MYO18B: variants seen among roughly 807,000 people sequenced by gnomAD.
MYO18B encodes the protein unconventional myosin-XVIIIb.
Under a neutral mutation model 273.0 loss-of-function variants are expected in MYO18B, and 204 were observed. The observed-to-expected ratio is 0.75, with a 90% CI of 0.67 to 0.84. The LOEUF is 0.84. Ranked by LOEUF, MYO18B falls within the 40% of genes least tolerant of loss-of-function variation. MYO18B has a pLI of 0.00. For synonymous variants in MYO18B, 1,330 were observed against 1,305.7 expected (o/e 1.02, Z -0.40); for missense variants, 3,212 against 3,287.6 (o/e 0.98, Z 0.56).
chr22:25,908,047 AAAAG>A (rs1485166949), intron 31 of MYO18B, among the ~76,000 whole-genome samples: 2 of 151,944 alleles, frequency 1.3e-5, no homozygotes, highest in African/African-American at 4.8e-5. Context: ...AAAAAAAAAA[AAAAG>A]AGTGTTGAGA....
chr22:25,948,562 T>G (rs1175726517), intron 36 of MYO18B, among the ~76,000 whole-genome samples: 1 of 151,044 alleles, frequency 6.6e-6, no homozygotes, highest in Non-Finnish European at 1.5e-5. Flanking sequence ...CTCTTTCTCT[T>G]TTTCTTCTTT....
chr22:25,895,015 GGT>G (rs2091762756), intron 27 of MYO18B, 139 bp from the exon 28 acceptor site: 2 of 990,270 alleles, frequency 2.0e-6, no homozygotes, highest in Admixed American at 5.7e-5. Flanking sequence ...ATAGTTTCTT[GGT>G]CCAAGGTTGA....
chr22:25,875,948 A>C (rs966075081), intron 23 of MYO18B, among the ~76,000 whole-genome samples: 1 of 151,830 alleles, frequency 6.6e-6, no homozygotes, highest in African/African-American at 2.4e-5. Context: ...AAATTATGGC[A>C]TAATGTTTGA....
intron 24 of MYO18B, 21 bp from the exon 25 acceptor site, chr22:25,877,937 GT>G: frequency 6.4e-7 from 1 of 1,555,744 alleles, no homozygotes; most frequent in African/African-American, 1.4e-5. Context: ...AATGGTTTCT[GT>G]TCATGTGTTT....
At chr22:25,769,794 G>A (rs2086649503) in intron 4 of MYO18B, among the ~76,000 whole-genome samples, 1 of 152,212 alleles carries the variant, frequency 6.6e-6, no homozygotes, top group Non-Finnish European at 1.5e-5. Context: ...GATTCCTGGG[G>A]CCAGCCATGG....
At chr22:26,059,288 A>G in the MYO18B span, among the ~76,000 whole-genome samples, 16 of 152,214 alleles carry the variant, frequency 1.1e-4, no homozygotes, top group African/African-American at 3.9e-4. Flanking sequence ...TCTTGGAAGC[A>G]TTAGCAAATG....
chr22:26,036,546 G>A, the MYO18B span, among the ~76,000 whole-genome samples: 37 of 152,204 alleles, frequency 2.4e-4, no homozygotes, highest in African/African-American at 8.2e-4. Flanking sequence ...TTCTGGGCTC[G>A]GTGGGAAAAT....
chr22:25,936,328 A>G (rs572927740), intron 34 of MYO18B, among the ~76,000 whole-genome samples: 2 of 152,308 alleles, frequency 1.3e-5, no homozygotes, highest in African/African-American at 2.4e-5. Flanking sequence ...AGCAGTCCTT[A>G]GATCCTAAAA....
intron 21 of MYO18B, among the ~76,000 whole-genome samples, chr22:25,860,619 A>G (rs2090703786): frequency 6.6e-6 from 1 of 152,138 alleles, no homozygotes; most frequent in Admixed American, 6.6e-5. Flanking sequence ...TAATTTCTAC[A>G]TATTTGGAAC....
At chr22:25,896,359 T>G (rs2146309317) in intron 28 of MYO18B, 1 of 152,246 alleles carries the variant, frequency 6.6e-6, no homozygotes, top group South Asian at 2.1e-4. Flanking sequence ...AATGCAACGG[T>G]CTTCATTCCA....
chr22:25,830,093 A>G (rs1241329086), intron 15 of MYO18B, among the ~76,000 whole-genome samples: 4 of 152,114 alleles, frequency 2.6e-5, no homozygotes, highest in Non-Finnish European at 5.9e-5. Context: ...CCAGTTGAAT[A>G]ATATAGAATA....
Position 25,770,931 on chromosome 22 carries a change from T to C in MYO18B, c.1639T>C (p.Trp547Arg). The change falls in exon 6 of 44, where the codon TGG becomes CGG. Residue 547 changes from tryptophan to arginine, a missense_variant. By Grantham distance (101) the Trp-to-Arg change is moderately radical (BLOSUM62 -3). Transcript: ENST00000335473. Reference protein sequence around the residue: ...ADLPAGRVRLWIDADKTITEV... With the variant: ...ADLPAGRVRLRIDADKTITEV... ...CCTGCCAGCAGGAAGGGTGAGACTT[T>C]GGATTGATGCTGACAAAACCATCAC... 2.6e-6 allele frequency: 4 copies of C among 1,552,258 alleles called. No homozygotes were observed. The highest frequency in any genetic ancestry group is 1.4e-5 in the African/African-American group (1 of 73,158).
At chr22:26,002,453 G>A (rs1934045135) in intron 40 of MYO18B, among the ~76,000 whole-genome samples, 2 of 152,176 alleles carry the variant, frequency 1.3e-5, no homozygotes, top group East Asian at 1.9e-4. Flanking sequence ...AGGGTGACAG[G>A]CTTTTGAGGG....
chr22:25,756,017 C>T (rs1407001807), intron 1 of MYO18B, among the ~76,000 whole-genome samples: 2 of 152,158 alleles, frequency 1.3e-5, no homozygotes, highest in Non-Finnish European at 2.9e-5. Context: ...TTTGCCTCAG[C>T]CTCCCCAGTA....
intron 23 of MYO18B, 71 bp from the exon 24 acceptor site, chr22:25,876,118 G>C: frequency 6.7e-7 from 1 of 1,503,234 alleles, no homozygotes; most frequent in Admixed American, 1.9e-5. Context: ...GCTACCCTCT[G>C]CCTCCTCTCC....
chr22:26,009,937 A>G lies in MYO18B; in HGVS notation c.6470+5082A>G, dbSNP rs575783145. Among the ~76,000 whole-genome samples, 30 of 152,228 alleles carry G rather than the reference A, an allele frequency of 2.0e-4. No homozygotes were observed. In the South Asian group the frequency reaches 5.4e-3, roughly 27 times the overall value. On this transcript the variant is annotated intron_variant, in intron 42 of 43. Coordinates refer to ENST00000335473, the MANE Select transcript of MYO18B (RefSeq NM_032608.7). ...ATTTATGTATGTTATCTTATTGTCT[A>G]TACTGATCACCAACCAGGTATCTCC...
chr22:25,955,378 C>G lies in MYO18B; in HGVS notation c.6156+14C>G. 1 of 1,597,752 alleles carries G rather than the reference C, an allele frequency of 6.3e-7. No homozygotes were observed. The highest frequency in any genetic ancestry group is 1.1e-5 in the South Asian group (1 of 90,050). ...TGCATGGAGCTGGTGAGTCCTGTCC[C>G]CATCATGGGCTCTTAGCGACTGAGG... On this transcript the variant is annotated intron_variant, in intron 39 of 43. Coordinates refer to ENST00000335473, the MANE Select transcript of MYO18B (RefSeq NM_032608.7).
intron 11 of MYO18B, among the ~76,000 whole-genome samples, chr22:25,786,203 G>T (rs930276010): frequency 7.2e-5 from 11 of 152,268 alleles, no homozygotes; most frequent in African/African-American, 2.6e-4. Context: ...CCTCATCCAT[G>T]GATTTTCACT....
Position 25,823,616 on chromosome 22 carries a change from T to A in MYO18B, c.2633T>A (p.Ile878Asn). The A allele has an allele frequency of 6.2e-7, 1 of 1,613,854 alleles. No homozygotes were observed. The highest frequency in any genetic ancestry group is 8.5e-7 in the Non-Finnish European group (1 of 1,179,850). ...TATFKHHLRQIIQQMTFGPSR... is the reference protein window; with the variant it reads ...TATFKHHLRQNIQQMTFGPSR... ...ACCTTCAAGCACCACCTTCGACAGATCATCCAGCAAATGACGTTTGGGCCA... is the reference window on the plus strand; with the variant it reads ...ACCTTCAAGCACCACCTTCGACAGAACATCCAGCAAATGACGTTTGGGCCA... Residue 878 changes from isoleucine (I) to asparagine (N), a missense_variant, in exon 13 of 44, where the codon ATC (isoleucine) becomes AAC (asparagine). By Grantham distance (149) the Ile-to-Asn change is moderately radical (BLOSUM62 -3). Transcript: ENST00000335473.
Sources: gnomAD v4.1 joint callset for allele counts (sites outside exome capture counted in the v4.1 genomes callset) on GRCh38, gnomAD v4.1.1 for gene constraint, MANE v1.5 for transcripts, NCBI Gene and HGNC (gene_info 2026-07-23, HGNC 2026-07-21) for gene names.